PITRM1: variants seen among roughly 807,000 people sequenced by gnomAD.
PITRM1 encodes presequence protease, mitochondrial.
PITRM1 carries 100 observed loss-of-function variants against 129.9 expected under a neutral mutation model. That is an observed-to-expected ratio of 0.77 (90% CI 0.65 to 0.91). The LOEUF (loss-of-function observed/expected upper bound fraction) is 0.91. PITRM1 is among the 40% of genes least tolerant of loss of function. The pLI, the probability that PITRM1 is intolerant of heterozygous loss-of-function variation, is 0.00. For missense variants in PITRM1, 1,471 were observed against 1,318.3 expected, an observed-to-expected ratio of 1.12 and a Z score of -1.79; for synonymous variants, 591 against 508.8, an observed-to-expected ratio of 1.16 and a Z score of -2.17.
At chr10:3,158,498 C>T (rs117460307) in intron 10 of PITRM1, among the ~76,000 whole-genome samples, 3,638 of 152,116 alleles carry the variant, frequency 0.024, 145 homozygotes, top group East Asian at 0.15. Flanking sequence ...TGCAGTGAGC[C>T]GAGATCGCGT....
intron 15 of PITRM1, 124 bp from the exon 16 acceptor site, chr10:3,149,877 T>C: frequency 4.0e-6 from 4 of 991,048 alleles, no homozygotes; most frequent in Non-Finnish European, 6.0e-6. Context: ...ATACTAGAGT[T>C]TATATAAATT....
chr10:3,166,503 AG>A lies in PITRM1; in HGVS notation c.267-124del, dbSNP rs529048974. On this transcript the variant is annotated intron_variant, in intron 3 of 26. Coordinates refer to ENST00000224949, the MANE Select transcript of PITRM1 (RefSeq NM_014889.4). ...TTCTGACACCACAATCCTCCAGCACAGGGTTTTCCAACTATAATGTAAATCA... is the reference window on the plus strand; with the variant it reads ...TTCTGACACCACAATCCTCCAGCACAGGTTTTCCAACTATAATGTAAATCA... 87 of 528,988 alleles carry A rather than the reference AG, an allele frequency of 1.6e-4. 1 individual carries two copies. In the Admixed American group the frequency reaches 2.3e-3, roughly 14 times the overall value. The allele number at this position is 528,988 out of a possible 1,614,324, so 32.8% of individuals were successfully genotyped here.
At chr10:3,138,390 T>A in intron 25 of PITRM1, 53 bp from the exon 26 acceptor site, 1 of 1,227,624 alleles carries the variant, frequency 8.1e-7, no homozygotes. Context: ...GCTCGCGTTG[T>A]GGGCTGTGCA....
At chr10:3,165,213 A>T (rs763083521) in intron 6 of PITRM1, 25 bp downstream of exon 6, 1 of 1,481,184 alleles carries the variant, frequency 6.8e-7, no homozygotes, top group South Asian at 1.3e-5. Flanking sequence ...AGCTGAACAC[A>T]ACATAAAAAA....
intron 24 of PITRM1, 134 bp from the exon 25 acceptor site, chr10:3,139,183 G>T: frequency 1.3e-6 from 1 of 758,696 alleles, no homozygotes; most frequent in Non-Finnish European, 2.2e-6. Context: ...AGTCCAAACA[G>T]CCCACTGACA....
chr10:3,172,524 G>A (rs371938621), intron 1 of PITRM1, among the ~76,000 whole-genome samples, 193 bp downstream of exon 1: 3 of 152,150 alleles, frequency 2.0e-5, no homozygotes, highest in East Asian at 1.9e-4. Context: ...GAGTAGGAAG[G>A]AGCTCCGAGG....
chr10:3,161,610 C>A (rs2132478127), intron 7 of PITRM1, among the ~76,000 whole-genome samples: 1 of 151,484 alleles, frequency 6.6e-6, no homozygotes, highest in Middle Eastern at 3.4e-3. Flanking sequence ...GAAATCAGAG[C>A]TCCCTGGGGA....
At chr10:3,143,650 C>G (rs965943927) in intron 22 of PITRM1, 149 bp from the exon 23 acceptor site, 1 of 716,394 alleles carries the variant, frequency 1.4e-6, no homozygotes, top group African/African-American at 1.7e-5. Context: ...GTCCCATCTC[C>G]GTGACACTCT....
At chr10:3,154,133 G>A (rs1841763717) in intron 14 of PITRM1, among the ~76,000 whole-genome samples, 1 of 152,160 alleles carries the variant, frequency 6.6e-6, no homozygotes, top group Non-Finnish European at 1.5e-5. Flanking sequence ...ATGGCCTCAG[G>A]ATGTCATCTG....
In PITRM1 at chr10:3,157,530, T is replaced by TA; in HGVS notation, c.1251_1252insT (p.Lys418Ter). On this transcript the variant is annotated frameshift_variant and splice_region_variant, in exon 12 of 27. Coordinates refer to ENST00000224949, the MANE Select transcript of PITRM1 (RefSeq NM_014889.4). LOFTEE classifies it high-confidence loss of function. ...TCAATTCGATCATCTTCAAATCCTT[T>TA]CCTAAAGAATACAATGAAGAACAAA... is the stretch of plus-strand genomic sequence containing the variant. 6.4e-7 allele frequency: 1 copy of TA among 1,571,966 alleles called. No homozygotes were observed. Among genetic ancestry groups the TA allele is most frequent in the Non-Finnish European group, 8.7e-7 (1 of 1,145,842 alleles).
At chr10:3,143,545 C>T (rs948928886) in intron 22 of PITRM1, 44 bp from the exon 23 acceptor site, 1 of 1,343,994 alleles carries the variant, frequency 7.4e-7, no homozygotes, top group Non-Finnish European at 1.1e-6. Context: ...CTGCCATGCA[C>T]CGCCCACGGC....
intron 2 of PITRM1, among the ~76,000 whole-genome samples, chr10:3,169,034 G>A (rs904873853): frequency 1.4e-5 from 2 of 147,240 alleles, no homozygotes; most frequent in Admixed American, 1.4e-4. Flanking sequence ...CCAGGAGTTC[G>A]AGGCTGCAGT....
intron 9 of PITRM1, among the ~76,000 whole-genome samples, chr10:3,159,355 G>C (rs1158166031): frequency 6.6e-6 from 1 of 152,250 alleles, no homozygotes; most frequent in Non-Finnish European, 1.5e-5. Flanking sequence ...CAAGCCAGGA[G>C]AGGTGCCAGC....
At chr10:3,140,939 A>G (rs1840126358) in intron 23 of PITRM1, 127 bp from the exon 24 acceptor site, 5 of 885,554 alleles carry the variant, frequency 5.6e-6, no homozygotes, top group Non-Finnish European at 8.6e-6. Context: ...TTATGGTCCC[A>G]TATTTTGGTC....
At chr10:3,143,640 G>T (rs1448819441) in intron 22 of PITRM1, 139 bp from the exon 23 acceptor site, 1 of 722,032 alleles carries the variant, frequency 1.4e-6, no homozygotes, top group Non-Finnish European at 2.6e-6. Context: ...CATCTCAGGG[G>T]TCCCATCTCC....
chr10:3,141,487 T>A (rs993473568), intron 23 of PITRM1: 3 of 220,256 alleles, frequency 1.4e-5, no homozygotes, highest in African/African-American at 7.0e-5. Context: ...GAAACTGAAG[T>A]GAGTTTTATA....
rs1464213326 is a variant in PITRM1, at chr10:3,140,773, C to T, written c.2685G>A (p.Leu895=). The T allele has an allele frequency of 2.5e-6, 4 of 1,592,288 alleles. No individual in the cohort carries two copies. In the Admixed American group the frequency reaches 7.0e-5, roughly 28 times the overall value. ...ILARLMTAKF[L]HTEIREKGGA... is the part of the protein sequence containing the mutation. Reference sequence around the variant, plus strand: ...CGCCTTTTTCTCGAATTTCTGTATGCAAGAATTTGGCAGTCATCAAACGTG... The same window carrying T: ...CGCCTTTTTCTCGAATTTCTGTATGTAAGAATTTGGCAGTCATCAAACGTG... The change falls in exon 24 of 27, where the codon TTG becomes TTA. Residue 895 remains leucine, a synonymous_variant. Transcript: ENST00000224949.
In PITRM1 at chr10:3,147,591, G is replaced by A. The variant is rs1841025793; in HGVS notation, c.2216C>T (p.Thr739Ile). ...TLTPAGDLQE[T>I]FSGMDQVRLM... ...TCCCACCTGATCCATCCCGCTGAAG[G>A]TCTCCTGCAGGTCCCCTGCGGGCGT... Residue 739 changes from threonine (T) to isoleucine (I), a missense_variant, in exon 19 of 27, where the codon ACC becomes ATC. Thr to Ile is a moderately conservative substitution (Grantham distance 89). Transcript: ENST00000224949. 7 of 1,614,012 alleles carry A rather than the reference G, an allele frequency of 4.3e-6. No homozygotes were observed. Among genetic ancestry groups the A allele is most frequent in the Non-Finnish European group, 5.9e-6 (7 of 1,179,882 alleles).
chr10:3,140,844 G>C, intron 23 of PITRM1, 32 bp from the exon 24 acceptor site: 1 of 1,528,788 alleles, frequency 6.5e-7, no homozygotes, highest in Non-Finnish European at 8.9e-7. Flanking sequence ...AGTTAATACC[G>C]TGGCTGATAA....
Sources: gnomAD v4.1 joint callset for allele counts (sites outside exome capture counted in the v4.1 genomes callset) on GRCh38, gnomAD v4.1.1 for gene constraint, MANE v1.5 for transcripts, NCBI Gene and HGNC (gene_info 2026-07-23, HGNC 2026-07-21) for gene names.